Variants in THSD4 observed in about 807,000 individuals in gnomAD.
THSD4 encodes thrombospondin type-1 domain-containing protein 4.
THSD4 carries 69 observed loss-of-function variants against 119.0 expected under a neutral mutation model. The observed-to-expected ratio is 0.58, with a 90% CI of 0.48 to 0.71. The LOEUF is 0.71. Ranked by LOEUF, THSD4 falls within the 30% of genes least tolerant of loss-of-function variation. The pLI, the probability that THSD4 is intolerant of heterozygous loss-of-function variation, is 0.00. For synonymous variants in THSD4, 524 were observed against 540.4 expected, an observed-to-expected ratio of 0.97 and a Z score of 0.42; for missense variants, 1,393 against 1,391.1, an observed-to-expected ratio of 1.00 and a Z score of -0.02.
chr15:71,718,278 A>C (rs1448273637), intron 8 of THSD4, among the ~76,000 whole-genome samples: 1 of 152,194 alleles, frequency 6.6e-6, no homozygotes, highest in East Asian at 1.9e-4. Flanking sequence ...CTTCTAGATA[A>C]ATTGGGCTAC....
At chr15:71,265,188 G>A (rs931123042) in intron 6 of THSD4, among the ~76,000 whole-genome samples, 5 of 151,966 alleles carry the variant, frequency 3.3e-5, no homozygotes, top group African/African-American at 4.8e-5. Context: ...AAACGGCTCC[G>A]GTCTGCAGCT....
chr15:71,199,086 G>C (rs539963068), intron 3 of THSD4, among the ~76,000 whole-genome samples: 14 of 152,210 alleles, frequency 9.2e-5, no homozygotes, highest in Non-Finnish European at 1.9e-4. Context: ...AAGCAAACTG[G>C]CCTCCCTGGA....
At chr15:71,763,610 C>T (rs956505886) in intron 15 of THSD4, among the ~76,000 whole-genome samples, 1 of 151,014 alleles carries the variant, frequency 6.6e-6, no homozygotes, top group Admixed American at 6.6e-5. Context: ...TGCAGTGGCA[C>T]GATCTTGGCT....
chr15:71,120,039 C>A (rs1045055638), intron 1 of THSD4, among the ~76,000 whole-genome samples: 1 of 152,214 alleles, frequency 6.6e-6, no homozygotes, highest in Non-Finnish European at 1.5e-5. Flanking sequence ...GTGCTTGAGA[C>A]AATTGGAGCT....
upstream of THSD4, chr15:71,113,825 T>A (rs1755501514): frequency 1.3e-5 from 2 of 152,264 alleles, no homozygotes; most frequent in Non-Finnish European, 1.5e-5. Context: ...TTTGCTTTTT[T>A]AAAATTATGG....
At chr15:71,686,878 A>G (rs1567100853) in intron 8 of THSD4, among the ~76,000 whole-genome samples, 1 of 152,204 alleles carries the variant, frequency 6.6e-6, no homozygotes, top group Non-Finnish European at 1.5e-5. Flanking sequence ...GGCAGGCCAT[A>G]TTTGGCTCAG....
At chr15:71,246,333 T>A (rs1249139697) in intron 5 of THSD4, among the ~76,000 whole-genome samples, 1 of 152,144 alleles carries the variant, frequency 6.6e-6, no homozygotes, top group African/African-American at 2.4e-5. Context: ...TATCTGAACA[T>A]CTTCCAGGTT....
At chr15:71,676,020 C>T (rs1478948750) in intron 8 of THSD4, among the ~76,000 whole-genome samples, 1 of 152,182 alleles carries the variant, frequency 6.6e-6, no homozygotes, top group Non-Finnish European at 1.5e-5. Flanking sequence ...CTTTGGGAAT[C>T]CTTGGGCTAA....
intron 6 of THSD4, among the ~76,000 whole-genome samples, chr15:71,390,599 T>A (rs2046363629): frequency 6.6e-6 from 1 of 152,148 alleles, no homozygotes; most frequent in Non-Finnish European, 1.5e-5. Flanking sequence ...AGGCCTTGAA[T>A]GTCCTTGATT....
At chr15:71,226,209 C>T (rs1445015221) in intron 4 of THSD4, among the ~76,000 whole-genome samples, 1 of 152,124 alleles carries the variant, frequency 6.6e-6, no homozygotes, top group East Asian at 1.9e-4. Flanking sequence ...AATGAGGTAA[C>T]AGCTGTAAAA....
At chr15:71,552,178 C>T (rs1042596574) in intron 7 of THSD4, among the ~76,000 whole-genome samples, 7 of 152,228 alleles carry the variant, frequency 4.6e-5, no homozygotes, top group African/African-American at 1.2e-4. Flanking sequence ...GGGGATGTGG[C>T]GGGAAATTTG....
intron 6 of THSD4, among the ~76,000 whole-genome samples, chr15:71,300,870 A>C (rs1399984553): frequency 6.6e-6 from 1 of 152,132 alleles, no homozygotes; most frequent in African/African-American, 2.4e-5. Context: ...TGAGGAACCA[A>C]CTCCCAGCTT....
At chr15:71,204,778 C>T (rs890863459) in intron 3 of THSD4, among the ~76,000 whole-genome samples, 7 of 152,138 alleles carry the variant, frequency 4.6e-5, no homozygotes, top group Admixed American at 3.3e-4. Flanking sequence ...CCAGTGGAAT[C>T]TGCTTAGCTT....
rs1274216994 is a variant in THSD4, at chr15:71,738,019, TG to T, written c.1906+17del. On this transcript the variant is annotated intron_variant, in intron 11 of 17. Coordinates refer to ENST00000261862, the MANE Select transcript of THSD4 (RefSeq NM_024817.3). ...GACCTGTGGGAAAGGTGAGCCTGTG[TG>T]GGGGACGGGTGGATCCCTGCAGAAC... 5 of 1,612,718 alleles carry T rather than the reference TG, an allele frequency of 3.1e-6. No homozygotes were observed. The East Asian group carries it at 1.1e-4, about 36-fold the overall frequency.
chr15:71,733,349 G>A (rs2141139220), intron 10 of THSD4: 1 of 152,258 alleles, frequency 6.6e-6, no homozygotes, highest in South Asian at 2.1e-4. Flanking sequence ...CAACCTCTCT[G>A]AACACACACC....
intron 7 of THSD4, among the ~76,000 whole-genome samples, chr15:71,640,667 CTTATT>C (rs1478593484): frequency 6.6e-5 from 10 of 152,142 alleles, no homozygotes; most frequent in Non-Finnish European, 1.0e-4. Flanking sequence ...TTGATTTCTT[CTTATT>C]TTAAGTGTAA....
chr15:71,616,061 T>C (rs1172651001), intron 7 of THSD4, among the ~76,000 whole-genome samples: 1 of 152,116 alleles, frequency 6.6e-6, no homozygotes, highest in Non-Finnish European at 1.5e-5. Context: ...TGCCAATTGA[T>C]TGAAAAACTG....
intron 17 of THSD4, among the ~76,000 whole-genome samples, chr15:71,774,594 C>A (rs868304186): frequency 3.3e-5 from 5 of 151,906 alleles, no homozygotes; most frequent in African/African-American, 1.2e-4. Context: ...GGAATATATA[C>A]TAAAAATATG....
intron 8 of THSD4, among the ~76,000 whole-genome samples, chr15:71,725,582 A>T (rs117658152): frequency 4.6e-5 from 7 of 152,284 alleles, no homozygotes; most frequent in Non-Finnish European, 1.0e-4. Context: ...GGTTCCCAGA[A>T]GCTGGGGTGA....
Sources: allele counts gnomAD v4.1 joint callset (sites outside exome capture counted in the v4.1 genomes callset), GRCh38; gene constraint gnomAD v4.1.1; transcripts MANE v1.5; gene names NCBI Gene and HGNC (gene_info 2026-07-23, HGNC 2026-07-21).